Variants in TNRC18 observed in about 807,000 individuals in gnomAD.
TNRC18 encodes trinucleotide repeat-containing gene 18 protein.
TNRC18 carries 69 observed loss-of-function variants against 226.7 expected under a neutral mutation model. The observed-to-expected ratio is 0.30, with a 90% confidence interval of 0.25 to 0.37. The LOEUF (loss-of-function observed/expected upper bound fraction) is 0.37, where lower values mean the gene tolerates loss of function less well. Among genes scored for constraint, TNRC18 ranks in the 10% least tolerant of loss-of-function variants. The pLI, the probability that TNRC18 is intolerant of heterozygous loss-of-function variation, is 1.00. For missense variants in TNRC18, 4,754 were observed against 4,256.6 expected, an observed-to-expected ratio of 1.12 and a Z score of -3.25; for synonymous variants, 2,449 against 1,927.6, an observed-to-expected ratio of 1.27 and a Z score of -7.09.
chr7:5,332,499 C>G, intron 19 of TNRC18, 123 bp downstream of exon 19: 1 of 1,151,962 alleles, frequency 8.7e-7, no homozygotes, highest in Non-Finnish European at 1.2e-6. Flanking sequence ...CCGGGCGGGC[C>G]TGGAGCCGAG....
rs1779106251 is a variant in TNRC18, at chr7:5,377,812, A to G, written c.2255+110T>C. Reference sequence around the variant, plus strand: ...CAGAGTGACTCCCGCTCTCAGTACCATAGCATCCATGGTCGAGGGGCCAAG... The same window carrying G: ...CAGAGTGACTCCCGCTCTCAGTACCGTAGCATCCATGGTCGAGGGGCCAAG... On this transcript the variant is annotated intron_variant, in intron 6 of 29. Transcript: ENST00000430969. The surrounding 1 kb of genome is among the most constrained non-coding windows in gnomAD (Gnocchi z 5.8). The G allele has an allele frequency of 8.8e-7, 1 of 1,135,204 alleles. No individual in the cohort carries two copies. The highest frequency in any genetic ancestry group is 1.3e-6 in the Non-Finnish European group (1 of 781,728). 70.3% of individuals were successfully genotyped at this position (1,135,204 alleles called of 1,614,324 possible).
Position 5,389,189 on chromosome 7 carries a change from C to T in TNRC18, c.635G>A (p.Arg212His). The T allele has an allele frequency of 1.5e-6, 2 of 1,319,002 alleles. No homozygotes were observed. The highest frequency in any genetic ancestry group is 1.9e-6 in the Non-Finnish European group (2 of 1,036,690). The allele number at this position is 1,319,002 out of a possible 1,614,324, so 81.7% of individuals were successfully genotyped here. A position where few individuals can be genotyped will look rare whatever the true frequency, so the allele number is the denominator to read the frequency against. ...GAAAAGCGGAGGCGGCTCCCCGCCG[C>T]GGCCCGCCCGCTCCTTGGCTGGACC... The part of the protein sequence containing the change: ...RDGPAKERAG[R>H]GGEPPPLFGK... Residue 212 changes from arginine (R) to histidine (H), a missense_variant, in exon 5 of 30, where the codon CGC becomes CAC. Coordinates refer to ENST00000430969, the MANE Select transcript of TNRC18 (RefSeq NM_001080495.3).
intron 2 of TNRC18, among the ~76,000 whole-genome samples, chr7:5,405,997 T>C (rs1029399028): frequency 2.0e-5 from 3 of 152,134 alleles, no homozygotes; most frequent in African/African-American, 7.2e-5. Flanking sequence ...TTCACAACAG[T>C]CAAAGGGTAG....
chr7:5,355,562 GA>G (rs1419829528), intron 16 of TNRC18, among the ~76,000 whole-genome samples: 1 of 152,216 alleles, frequency 6.6e-6, no homozygotes, highest in Non-Finnish European at 1.5e-5. Flanking sequence ...GACTAGCCTG[GA>G]AAACAGGGAG....
At chr7:5,368,479 A>ACCG in intron 11 of TNRC18, among the ~76,000 whole-genome samples, 2 of 152,160 alleles carry the variant, frequency 1.3e-5, no homozygotes, top group East Asian at 3.9e-4. Context: ...CCTGGCCAAC[A>ACCG]TGGTGAAACC....
At chr7:5,338,863 T>G (rs1413476095) in intron 18 of TNRC18, among the ~76,000 whole-genome samples, 2 of 140,096 alleles carry the variant, frequency 1.4e-5, no homozygotes, top group Non-Finnish European at 3.0e-5. Flanking sequence ...GAGGTTGTGG[T>G]GAGCCGAGAT....
chr7:5,363,803 C>T (rs1268316839), intron 11 of TNRC18, among the ~76,000 whole-genome samples: 1 of 151,908 alleles, frequency 6.6e-6, no homozygotes, highest in Non-Finnish European at 1.5e-5. Flanking sequence ...ATATGCATAG[C>T]TCTTATAATC....
rs77810943 is a variant in TNRC18 at position 5,396,644 on chromosome 7, G to C, written c.188-2049C>G. On this transcript the variant is annotated intron_variant, in intron 2 of 29. Transcript: ENST00000430969. ...CCAGCAACACCCTCAGGAGGTGGCA[G>C]CAAAGCACCTCCAGCTGGGTGCTAC... Among the ~76,000 whole-genome samples, 581 of 152,330 alleles carry C rather than the reference G, an allele frequency of 3.8e-3. 8 individuals carry two copies. The highest frequency in any genetic ancestry group is 0.015 in the East Asian group (79 of 5,184).
intron 12 of TNRC18, 101 bp downstream of exon 12, chr7:5,362,549 G>A (rs898091280): frequency 6.0e-5 from 71 of 1,187,306 alleles, no homozygotes; most frequent in East Asian, 1.3e-4. Context: ...CCTCTCTGGC[G>A]CCAAAGCCAG....
intron 2 of TNRC18, among the ~76,000 whole-genome samples, chr7:5,404,451 G>A (rs1366052720): frequency 1.3e-5 from 2 of 152,184 alleles, no homozygotes; most frequent in South Asian, 2.1e-4. Flanking sequence ...AAGGCCATTA[G>A]CATTACAAAG....
intron 18 of TNRC18, among the ~76,000 whole-genome samples, chr7:5,336,126 G>C (rs371262800): frequency 6.6e-6 from 1 of 151,484 alleles, no homozygotes. Flanking sequence ...AGAATTACTT[G>C]AGCCCAGGAG....
At chr7:5,401,754 T>A (rs986355373) in intron 2 of TNRC18, among the ~76,000 whole-genome samples, 8 of 152,240 alleles carry the variant, frequency 5.3e-5, no homozygotes, top group Non-Finnish European at 1.0e-4. Context: ...TTATTTTTTA[T>A]TCCTAGTCCT....
intron 29 of TNRC18, 148 bp downstream of exon 29, chr7:5,308,727 G>A (rs975078509): frequency 2.5e-6 from 2 of 799,588 alleles, no homozygotes; most frequent in Non-Finnish European, 4.1e-6. Flanking sequence ...ACAGGAGCCA[G>A]GCACTGAGAG....
chr7:5,406,635 G>C (rs1781483445), intron 2 of TNRC18, among the ~76,000 whole-genome samples: 2 of 152,068 alleles, frequency 1.3e-5, no homozygotes, highest in South Asian at 2.1e-4. Flanking sequence ...CGGATCACCT[G>C]AAGTCAGGAG....
At chr7:5,335,969 G>A (rs1389383487) in intron 18 of TNRC18, among the ~76,000 whole-genome samples, 2 of 151,864 alleles carry the variant, frequency 1.3e-5, no homozygotes, top group Non-Finnish European at 2.9e-5. Context: ...CACTTTGGGA[G>A]GCCAAGGCGG....
intron 2 of TNRC18, among the ~76,000 whole-genome samples, chr7:5,404,931 C>G (rs542420376): frequency 8.0e-4 from 121 of 151,732 alleles, no homozygotes; most frequent in Non-Finnish European, 1.4e-3. Context: ...CTGGACAACA[C>G]GGTGAAACCC....
At chr7:5,326,217 G>A (rs991953936) in intron 19 of TNRC18, among the ~76,000 whole-genome samples, 2 of 151,624 alleles carry the variant, frequency 1.3e-5, no homozygotes, top group African/African-American at 4.9e-5. Context: ...AAATATGAAG[G>A]CTACGCAGAC....
intron 18 of TNRC18, among the ~76,000 whole-genome samples, chr7:5,342,078 G>C (rs888869407): frequency 6.6e-6 from 1 of 152,180 alleles, no homozygotes. Context: ...AGCTGCCACG[G>C]ATGATGATTC....
Position 5,361,627 on chromosome 7 carries a change from CG to C in TNRC18, c.4627del (p.Arg1543AlafsTer13), listed in dbSNP as rs754233336. ...THAPSALSPPRKRGKSGHSSG... is the reference protein window; with the variant it reads ...THAPSALSPPXKRGKSGHSSG... The stretch of plus-strand genomic sequence containing the variant: ...ACTGTGGCCGCTCTTCCCTCTCTTG[CG>C]GGGGGGCGACAGGGCGCTCGGGGCG... On this transcript the variant is annotated frameshift_variant, in exon 14 of 30. Coordinates refer to ENST00000430969, the MANE Select transcript of TNRC18 (RefSeq NM_001080495.3). LOFTEE classifies it high-confidence loss of function. 11 of 1,545,144 alleles carry C rather than the reference CG, an allele frequency of 7.1e-6. No individual in the cohort carries two copies. The highest frequency in any genetic ancestry group is 5.0e-5 in the East Asian group (2 of 40,282).
Sources: gnomAD v4.1 joint callset for allele counts (sites outside exome capture counted in the v4.1 genomes callset) on GRCh38, gnomAD v4.1.1 for gene constraint, Gnocchi (gnomAD v3.1) non-coding constraint, MANE v1.5 for transcripts, NCBI Gene and HGNC (gene_info 2026-07-23, HGNC 2026-07-21) for gene names.